Variants in EMC1 observed in about 807,000 individuals in gnomAD.
The protein encoded by EMC1 is KIAA0090.
A neutral mutation model predicts 128.8 loss-of-function variants in EMC1; 103 were observed. That is an observed-to-expected ratio of 0.80 (90% CI 0.68 to 0.94). The LOEUF is 0.94. EMC1 is among the 40% of genes least tolerant of loss of function. The pLI is 0.00. For synonymous variants in EMC1, 442 were observed against 490.4 expected (o/e 0.90, Z 1.30); for missense variants, 1,083 against 1,250.6 (o/e 0.87, Z 2.02).
At chr1:19,228,134 G>A (rs1006820516) in intron 17 of EMC1, among the ~76,000 whole-genome samples, 5 of 151,644 alleles carry the variant, frequency 3.3e-5, no homozygotes, top group Non-Finnish European at 5.9e-5. Context: ...GAACCCAGGA[G>A]GTGGAGGTTG....
At position 19,244,016 on chromosome 1, in the gene EMC1, C is replaced by A. The variant is rs1261194928; in HGVS notation, c.221-1G>T. 2 of 1,613,946 alleles carry A rather than the reference C, an allele frequency of 1.2e-6. No individual in the cohort carries two copies. Among genetic ancestry groups the A allele is most frequent in the Non-Finnish European group, 1.7e-6 (2 of 1,180,000 alleles). ...GTGCCCTTGTCAACATGGCGCCACA[C>A]TGAGAGACATGAAAGTTAGACATTA... On this transcript the variant is annotated splice_acceptor_variant, in intron 2 of 22. Coordinates refer to ENST00000477853, the MANE Select transcript of EMC1 (RefSeq NM_015047.3). LOFTEE classifies it high-confidence loss of function.
At chr1:19,237,112 A>T (rs748808563) in intron 12 of EMC1, 30 bp downstream of exon 12, 38 of 1,521,768 alleles carry the variant, frequency 2.5e-5, no homozygotes, top group Admixed American at 6.7e-5. Flanking sequence ...CTGGGGAAAT[A>T]AAAAAATGGG....
intron 17 of EMC1, among the ~76,000 whole-genome samples, chr1:19,230,507 T>G (rs1027653734): frequency 6.6e-6 from 1 of 151,948 alleles, no homozygotes; most frequent in Non-Finnish European, 1.5e-5. Context: ...GAGGCAGAGG[T>G]TGCAGTGAGC....
chr1:19,232,829 G>T, intron 14 of EMC1, 56 bp from the exon 15 acceptor site: 1 of 1,610,006 alleles, frequency 6.2e-7, no homozygotes, highest in Non-Finnish European at 8.5e-7. Context: ...AAAGAACTGA[G>T]TCTGTCCTTG....
rs558979939 is a variant in EMC1, at chr1:19,225,222, A to T, written c.2203-1653T>A. On this transcript the variant is annotated intron_variant, in intron 18 of 22. Transcript: ENST00000477853. ...GCCTGCATCCAGCTAGCACTCAAAA[A>T]CTGCTTGCTGCTGGCCGGGTGCGGT... Among the ~76,000 whole-genome samples, 3 of 152,344 alleles carry T rather than the reference A, an allele frequency of 2.0e-5. No individual in the cohort carries two copies. The East Asian group carries it at 5.8e-4, about 29-fold the overall frequency.
At chr1:19,244,670 A>G in intron 2 of EMC1, 1 of 398,052 alleles carries the variant, frequency 2.5e-6, no homozygotes, top group Admixed American at 3.9e-5. Flanking sequence ...TTGCAGCAAT[A>G]TCTTATTTAA....
At chr1:19,247,624 A>G (rs1444762519) in intron 1 of EMC1, among the ~76,000 whole-genome samples, 2 of 152,264 alleles carry the variant, frequency 1.3e-5, no homozygotes, top group Non-Finnish European at 2.9e-5. Flanking sequence ...GACAATGATA[A>G]TAAATGACTG....
At chr1:19,240,664 G>A (rs752234135) in intron 6 of EMC1, 12 of 582,818 alleles carry the variant, frequency 2.1e-5, no homozygotes, top group Non-Finnish European at 3.3e-5. Context: ...TTTCTTTCTG[G>A]TCACTGGAAA....
rs1332830606 is a variant in EMC1, at chr1:19,228,201, G to A, written c.2065-751C>T. Among the ~76,000 whole-genome samples, 14 of 124,958 alleles carry A rather than the reference G, an allele frequency of 1.1e-4. No homozygotes were observed. In the East Asian group the frequency reaches 2.5e-3, roughly 22 times the overall value. The allele number at this position is 124,958 out of a possible 152,430, so 82.0% of individuals were successfully genotyped here. ...GCCTGGGCAACAAGAGCGAAACTCC[G>A]GCTCAAAAAAAAAAAAAAAAAGATA... is the stretch of plus-strand genomic sequence containing the variant. On this transcript the variant is annotated intron_variant, in intron 17 of 22. Transcript: ENST00000477853.
intron 15 of EMC1, among the ~76,000 whole-genome samples, chr1:19,232,216 C>T (rs924665363): frequency 1.3e-5 from 2 of 152,182 alleles, no homozygotes; most frequent in African/African-American, 4.8e-5. Context: ...GAGCCGAGAT[C>T]GCACCAGGCA....
chr1:19,245,877 T>G (rs1322583338), intron 1 of EMC1, among the ~76,000 whole-genome samples: 1 of 151,712 alleles, frequency 6.6e-6, no homozygotes, highest in Non-Finnish European at 1.5e-5. Context: ...CCCACCCGCC[T>G]CGGCCTTCCA....
intron 10 of EMC1, 130 bp downstream of exon 10, chr1:19,238,665 C>T: frequency 1.5e-6 from 1 of 660,734 alleles, no homozygotes; most frequent in Admixed American, 2.7e-5. Flanking sequence ...ATTTAATTTA[C>T]AGTACTTAGG....
At chr1:19,228,352 G>A (rs2093493620) in intron 17 of EMC1, among the ~76,000 whole-genome samples, 1 of 152,184 alleles carries the variant, frequency 6.6e-6, no homozygotes, top group Admixed American at 6.5e-5. Flanking sequence ...GGGGCCAGCA[G>A]TGAATGTCTA....
intron 10 of EMC1, 119 bp downstream of exon 10, chr1:19,238,675 GA>G: frequency 1.4e-6 from 1 of 699,862 alleles, no homozygotes; most frequent in East Asian, 2.5e-5. Context: ...CAGTACTTAG[GA>G]AACCTCATTT....
intron 1 of EMC1, among the ~76,000 whole-genome samples, chr1:19,246,320 G>A (rs2093632045): frequency 6.6e-6 from 1 of 152,112 alleles, no homozygotes; most frequent in African/African-American, 2.4e-5. Context: ...AACTCAGGAA[G>A]CAGAGGTTGC....
Position 19,220,774 on chromosome 1 carries a change from CTG to C in EMC1, c.2660_2661del (p.Thr887ArgfsTer26). On this transcript the variant is annotated frameshift_variant, in exon 21 of 23. Coordinates refer to ENST00000477853, the MANE Select transcript of EMC1 (RefSeq NM_015047.3). LOFTEE classifies it high-confidence loss of function. ...CCATGAGGGTCTCACCTGCTTTGTT[CTG>C]TTGGGATCTCGGGGCGGCGGGGATC... ...LLDPRRPEIP[T>X]EQSREENLIP... 6.2e-7 allele frequency: 1 copy of C among 1,613,468 alleles called. No individual in the cohort carries two copies. The highest frequency in any genetic ancestry group is 8.5e-7 in the Non-Finnish European group (1 of 1,179,726).
Position 19,233,079 on chromosome 1 carries a change from C to T in EMC1, c.1489G>A (p.Ala497Thr). 6.2e-7 allele frequency: 1 copy of T among 1,614,208 alleles called. No homozygotes were observed. Among genetic ancestry groups the T allele is most frequent in the Non-Finnish European group, 8.5e-7 (1 of 1,180,042 alleles). The change falls in exon 14 of 23, where the codon GCA (alanine) becomes ACA (threonine). Residue 497 changes from alanine (A) to threonine (T), a missense_variant. Transcript: ENST00000477853. ...RLSSQLILLQ[A>T]WTSHLWKMFY... is the part of the protein sequence containing the mutation. Reference sequence around the variant, plus strand: ...ATTTTCCAGAGGTGGGAAGTCCATGCTTGCAGCAGGATAAGCTGAGACGAG... The same window carrying T: ...ATTTTCCAGAGGTGGGAAGTCCATGTTTGCAGCAGGATAAGCTGAGACGAG...
At position 19,217,313 on chromosome 1, in the gene EMC1, C is replaced by G. The variant is rs2093402177; in HGVS notation, c.*1990G>C. 1 of 152,164 alleles carries G rather than the reference C, an allele frequency of 6.6e-6. No individual in the cohort carries two copies. Among genetic ancestry groups the G allele is most frequent in the Admixed American group, 6.5e-5 (1 of 15,274 alleles). 9.4% of individuals were successfully genotyped at this position (152,164 alleles called of 1,614,324 possible). A position where few individuals can be genotyped will look rare whatever the true frequency, so the allele number is the denominator to read the frequency against. ...CTGTAATCCCAGCACTTTGGGAGGC[C>G]AAGGCCAGCAGATCACTTGAGGCCA... On this transcript the variant is annotated 3_prime_UTR_variant, in exon 23 of 23. Transcript: ENST00000477853.
rs528750906 is a variant in EMC1, at chr1:19,215,661, T to A, written c.*3642A>T. 2.6e-5 allele frequency: 4 copies of A among 150,990 alleles called. No individual in the cohort carries two copies. The East Asian group carries it at 8.0e-4, about 30-fold the overall frequency. 9.4% of individuals were successfully genotyped at this position (150,990 alleles called of 1,614,324 possible). A position where few individuals can be genotyped will look rare whatever the true frequency, so the allele number is the denominator to read the frequency against. On this transcript the variant is annotated 3_prime_UTR_variant, in exon 23 of 23. Coordinates refer to ENST00000477853, the MANE Select transcript of EMC1 (RefSeq NM_015047.3). ...TTCCAAGTAAAGAAAACAGAATGGT[T>A]TCATGATTTAAAAGCAATTTTTTCA...
Sources: gnomAD v4.1 joint callset for allele counts (sites outside exome capture counted in the v4.1 genomes callset) on GRCh38, gnomAD v4.1.1 for gene constraint, MANE v1.5 for transcripts, NCBI Gene and HGNC (gene_info 2026-07-23, HGNC 2026-07-21) for gene names.